The following BMP2K variants were observed in gnomAD, a reference collection of about 807,000 sequenced individuals.
BMP2K encodes the protein BMP-2-inducible protein kinase.
In BMP2K, 74 loss-of-function variants were observed where a neutral mutation model predicts 116.0. The observed-to-expected ratio is 0.64, with a 90% CI of 0.53 to 0.77. The LOEUF (loss-of-function observed/expected upper bound fraction) is 0.77, where lower values mean the gene tolerates loss of function less well. Among genes scored for constraint, BMP2K ranks in the 30% least tolerant of loss-of-function variants. The pLI, the probability that BMP2K is intolerant of heterozygous loss-of-function variation, is 0.00. For synonymous variants in BMP2K, 486 were observed against 502.5 expected (o/e 0.97, Z 0.44); for missense variants, 1,365 against 1,403.6 (o/e 0.97, Z 0.44).
At position 78,911,765 on chromosome 4, in the gene BMP2K, C is replaced by T. The variant is rs745760469; in HGVS notation, c.3218C>T (p.Pro1073Leu). The part of the protein sequence containing the change: ...ESLLDPFGAK[P>L]FHSPDLSWHP... ...CTGTTGGACCCCTTCGGTGCCAAGC[C>T]CTTCCATTCTCCAGACCTGTCATGG... The change falls in exon 16 of 16, where the codon CCC becomes CTC. Residue 1073 changes from proline to leucine, a missense_variant. Pro to Leu is a moderately conservative substitution (Grantham distance 98). Around this residue, in one of 3 missense-constraint regions of BMP2K, gnomAD observed 596 missense variants for 623.2 expected, o/e 0.96. Coordinates refer to ENST00000502613, the MANE Select transcript of BMP2K (RefSeq NM_198892.2). The T allele has an allele frequency of 1.2e-6, 2 of 1,613,980 alleles. No homozygotes were observed. Among genetic ancestry groups the T allele is most frequent in the South Asian group, 2.2e-5 (2 of 91,080 alleles).
At chr4:78,817,300 A>G (rs914220265) in intron 1 of BMP2K, among the ~76,000 whole-genome samples, 3 of 152,200 alleles carry the variant, frequency 2.0e-5, no homozygotes, top group African/African-American at 7.2e-5. Flanking sequence ...ACATAGTCCA[A>G]CAAGACTACC....
chr4:78,894,041 G>A (rs912574502), intron 15 of BMP2K, among the ~76,000 whole-genome samples: 1 of 152,216 alleles, frequency 6.6e-6, no homozygotes, highest in Non-Finnish European at 1.5e-5. Context: ...CTGAGCAGTA[G>A]ATTTCAAGAG....
At chr4:78,854,495 A>C (rs1731407369) in intron 7 of BMP2K, among the ~76,000 whole-genome samples, 1 of 151,972 alleles carries the variant, frequency 6.6e-6, no homozygotes, top group Admixed American at 6.6e-5. Context: ...GCTGGTCTTG[A>C]ACTTCTGACC....
At chr4:78,848,526 A>G (rs1560527588) in intron 6 of BMP2K, among the ~76,000 whole-genome samples, 1 of 151,570 alleles carries the variant, frequency 6.6e-6, no homozygotes, top group Non-Finnish European at 1.5e-5. Flanking sequence ...GAGTATTTCA[A>G]TAGCAGATAA....
chr4:78,886,729 GAT>G (rs1344100236), intron 14 of BMP2K, among the ~76,000 whole-genome samples: 1 of 152,078 alleles, frequency 6.6e-6, no homozygotes, highest in Non-Finnish European at 1.5e-5. Context: ...AAAAAAGTAA[GAT>G]ATAGTGAATT....
chr4:78,809,007 A>G (rs62310806), intron 1 of BMP2K, among the ~76,000 whole-genome samples: 9,786 of 152,192 alleles, frequency 0.064, 432 homozygotes, highest in East Asian at 0.22. Context: ...TTTCTTGTTC[A>G]TCTTCTGTCT....
At chr4:78,789,850 A>T (rs1578467994) in intron 1 of BMP2K, among the ~76,000 whole-genome samples, 3 of 152,354 alleles carry the variant, frequency 2.0e-5, no homozygotes, top group African/African-American at 7.2e-5. Context: ...GACCTCCTGT[A>T]GGGAGAAAGG....
chr4:78,778,410 A>G (rs1373578725), intron 1 of BMP2K, among the ~76,000 whole-genome samples: 2 of 152,228 alleles, frequency 1.3e-5, no homozygotes, highest in African/African-American at 2.4e-5. Context: ...TTCAAGCGCT[A>G]ATGTCACTGT....
chr4:78,841,210 G>T (rs1730743293), intron 3 of BMP2K, among the ~76,000 whole-genome samples: 1 of 152,156 alleles, frequency 6.6e-6, no homozygotes, highest in Non-Finnish European at 1.5e-5. Flanking sequence ...AAGTTTATAT[G>T]TACCTTCTCA....
chr4:78,870,973 GCAACAGCAA>G lies in BMP2K; in HGVS notation c.1425_1433del (p.Gln484_Gln486del), dbSNP rs763038959. 14 of 1,609,572 alleles carry G rather than the reference GCAACAGCAA, an allele frequency of 8.7e-6. No homozygotes were observed. Among genetic ancestry groups the G allele is most frequent in the East Asian group, 4.5e-5 (2 of 44,808 alleles). On this transcript the variant is annotated inframe_deletion, in exon 11 of 16. Coordinates refer to ENST00000502613, the MANE Select transcript of BMP2K (RefSeq NM_198892.2). ...AGCAGCAACAGCAACAGCAGCAGCAGCAACAGCAACAGCAGCAGCAGCAGCAGCAGCAGC... is the reference window on the plus strand; with the variant it reads ...AGCAGCAACAGCAACAGCAGCAGCAGCAGCAGCAGCAGCAGCAGCAGCAGC...
chr4:78,855,237 CAGAT>C (rs757438025), intron 7 of BMP2K, among the ~76,000 whole-genome samples: 1 of 151,944 alleles, frequency 6.6e-6, no homozygotes, highest in Non-Finnish European at 1.5e-5. Flanking sequence ...TGTAGGTTAA[CAGAT>C]AGAAATAATG....
chr4:78,852,224 T>C (rs1731287869), intron 7 of BMP2K, among the ~76,000 whole-genome samples: 1 of 152,050 alleles, frequency 6.6e-6, no homozygotes, highest in African/African-American at 2.4e-5. Flanking sequence ...AAAAAAATAC[T>C]ACTGATAATT....
chr4:78,831,728 T>C (rs1173368830), intron 2 of BMP2K, among the ~76,000 whole-genome samples: 3 of 152,238 alleles, frequency 2.0e-5, no homozygotes, highest in African/African-American at 2.4e-5. Flanking sequence ...AAAAATATTT[T>C]AATAGGCCAG....
intron 9 of BMP2K, among the ~76,000 whole-genome samples, chr4:78,863,728 G>A (rs1731906745): frequency 6.6e-6 from 1 of 152,128 alleles, no homozygotes; most frequent in African/African-American, 2.4e-5. Context: ...AACTTCAGTC[G>A]ATTTTGTATC....
At chr4:78,905,810 A>G (rs1487268170) in intron 15 of BMP2K, among the ~76,000 whole-genome samples, 1 of 151,964 alleles carries the variant, frequency 6.6e-6, no homozygotes, top group African/African-American at 2.4e-5. Flanking sequence ...GGAAGATCTG[A>G]AATTTTTTTT....
rs1727242884 is a variant in BMP2K at position 78,776,527 on chromosome 4, A to C, written c.-17A>C. On this transcript the variant is annotated 5_prime_UTR_variant, in exon 1 of 16. Coordinates refer to ENST00000502613, the MANE Select transcript of BMP2K (RefSeq NM_198892.2). Reference sequence around the variant, plus strand: ...CCCTTGCACGCTCCCTGCGCCCTCCAGCTCGCCGGCGGGACCATGAAGAAG... The same window carrying C: ...CCCTTGCACGCTCCCTGCGCCCTCCCGCTCGCCGGCGGGACCATGAAGAAG... The C allele has an allele frequency of 8.8e-7, 1 of 1,135,018 alleles. No individual in the cohort carries two copies. Among genetic ancestry groups the C allele is most frequent in the Non-Finnish European group, 1.1e-6 (1 of 922,936 alleles). The allele number at this position is 1,135,018 out of a possible 1,614,324, so 70.3% of individuals were successfully genotyped here.
intron 13 of BMP2K, among the ~76,000 whole-genome samples, chr4:78,873,701 TGTGTATGCATGC>T (rs1228981819): frequency 2.7e-5 from 4 of 148,996 alleles, no homozygotes; most frequent in African/African-American, 5.0e-5. Flanking sequence ...TGTGTGTGTG[TGTGTATGCATGC>T]ATGCATGTGT....
chr4:78,826,097 G>T lies in BMP2K; in HGVS notation c.239G>T (p.Arg80Leu). The change falls in exon 2 of 16, where the codon CGA becomes CTA. Residue 80 changes from arginine to leucine, a missense_variant. By Grantham distance (102) the Arg-to-Leu change is moderately radical (BLOSUM62 -2). This residue lies in a region of BMP2K where 762 missense variants were observed against 756.7 expected (regional missense o/e 1.01). Transcript: ENST00000502613. ...GGTGGAATCCGATGTGCATTGAAGC[G>T]AATGTATGTCAATAACATGCCAGAC... ...THGGIRCALK[R>L]MYVNNMPDLN... The T allele has an allele frequency of 2.5e-6, 4 of 1,614,134 alleles. No homozygotes were observed. The highest frequency in any genetic ancestry group is 3.4e-6 in the Non-Finnish European group (4 of 1,180,006).
chr4:78,885,544 A>C (rs1303959052), intron 14 of BMP2K, among the ~76,000 whole-genome samples: 1 of 152,200 alleles, frequency 6.6e-6, no homozygotes, highest in Non-Finnish European at 1.5e-5. Flanking sequence ...GCTTCACTCC[A>C]AAATTAAAAG....
Sources: allele counts gnomAD v4.1 joint callset (sites outside exome capture counted in the v4.1 genomes callset), GRCh38; gene constraint gnomAD v4.1.1; regional missense constraint gnomAD v4.1.1; transcripts MANE v1.5; gene names NCBI Gene and HGNC (gene_info 2026-07-23, HGNC 2026-07-21).